The following DNAJC15 variants were observed in gnomAD, a reference collection of about 807,000 sequenced individuals.
DNAJC15 encodes dnaJ homolog subfamily C member 15.
Under a neutral mutation model 22.4 loss-of-function variants are expected in DNAJC15, and 27 were observed. The ratio of observed to expected loss-of-function variants is 1.20; its 90% CI spans 0.89 to 1.66. The LOEUF is 1.66. Among genes scored for constraint, DNAJC15 ranks in the 40% most tolerant of loss-of-function variants. DNAJC15 has a pLI of 0.00. For missense variants in DNAJC15, 208 were observed against 187.1 expected (o/e 1.11, Z -0.65); for synonymous variants, 79 against 63.2 (o/e 1.25, Z -1.19).
intron 5 of DNAJC15, among the ~76,000 whole-genome samples, chr13:43,100,980 T>G (rs1230481483): frequency 1.3e-5 from 2 of 152,228 alleles, no homozygotes; most frequent in Non-Finnish European, 2.9e-5. Context: ...TCCAGGTTGA[T>G]TGGCCCGTTT....
chr13:43,035,781 C>T lies in DNAJC15; in HGVS notation c.108+12047C>T, dbSNP rs370820612. Among the ~76,000 whole-genome samples, 26 of 152,108 alleles carry T rather than the reference C, an allele frequency of 1.7e-4. No individual in the cohort carries two copies. In the South Asian group the frequency reaches 3.5e-3, roughly 21 times the overall value. ...TGTCTCCCAGGCTGGTGTACAGTGG[C>T]GTGATCATAGCTCACTGCAGTCTCA... On this transcript the variant is annotated intron_variant, in intron 1 of 5. Coordinates refer to ENST00000379221, the MANE Select transcript of DNAJC15 (RefSeq NM_013238.3).
At chr13:43,102,468 T>C (rs1186480488) in intron 5 of DNAJC15, among the ~76,000 whole-genome samples, 1 of 152,122 alleles carries the variant, frequency 6.6e-6, no homozygotes, top group East Asian at 1.9e-4. Flanking sequence ...TTTCTGAACT[T>C]ATTGACATGA....
chr13:43,106,470 T>G (rs1394885197), intron 5 of DNAJC15, among the ~76,000 whole-genome samples: 1 of 152,166 alleles, frequency 6.6e-6, no homozygotes. Flanking sequence ...TTAGAAAGAA[T>G]TCATTGCAAA....
chr13:43,089,461 A>G (rs2040704301), intron 5 of DNAJC15, among the ~76,000 whole-genome samples: 1 of 152,132 alleles, frequency 6.6e-6, no homozygotes, highest in South Asian at 2.1e-4. Context: ...GACTGGGAAA[A>G]CCTCTGTGAG....
chr13:43,052,378 A>G (rs2040509343), intron 1 of DNAJC15, among the ~76,000 whole-genome samples: 1 of 151,742 alleles, frequency 6.6e-6, no homozygotes, highest in East Asian at 1.9e-4. Flanking sequence ...TTTTTTGGCT[A>G]TTTGTGTATC....
chr13:43,053,445 A>T (rs540717613), intron 1 of DNAJC15, among the ~76,000 whole-genome samples: 4 of 151,956 alleles, frequency 2.6e-5, no homozygotes, highest in Non-Finnish European at 5.9e-5. Context: ...GTAAATGATG[A>T]TGCTCGTATT....
intron 1 of DNAJC15, among the ~76,000 whole-genome samples, chr13:43,050,243 A>T (rs966874795): frequency 1.3e-5 from 2 of 152,134 alleles, no homozygotes; most frequent in African/African-American, 4.8e-5. Context: ...TGTAAATCTA[A>T]CAGCCTTACT....
intron 5 of DNAJC15, among the ~76,000 whole-genome samples, chr13:43,090,659 C>A (rs1295239262): frequency 6.6e-6 from 1 of 151,198 alleles, no homozygotes; most frequent in Non-Finnish European, 1.5e-5. Flanking sequence ...AGAAATTGGG[C>A]AGCATTCTTT....
At chr13:43,040,439 A>G (rs1281485410) in intron 1 of DNAJC15, among the ~76,000 whole-genome samples, 1 of 152,216 alleles carries the variant, frequency 6.6e-6, no homozygotes, top group African/African-American at 2.4e-5. Context: ...AAGTGACCCC[A>G]TAATGTTAAG....
chr13:43,060,645 G>C (rs142527436), intron 1 of DNAJC15, among the ~76,000 whole-genome samples: 2,671 of 152,236 alleles, frequency 0.018, 96 homozygotes, highest in East Asian at 0.12. Context: ...GATTTTGGAG[G>C]AAAGAGAAAT....
chr13:43,070,796 G>T (rs115309924), intron 3 of DNAJC15, among the ~76,000 whole-genome samples: 1 of 152,114 alleles, frequency 6.6e-6, no homozygotes, highest in African/African-American at 2.4e-5. Context: ...TACCTTAAGC[G>T]TGAAAGAAAG....
At chr13:43,106,784 G>A (rs1424644035) in intron 5 of DNAJC15, among the ~76,000 whole-genome samples, 3 of 145,920 alleles carry the variant, frequency 2.1e-5, no homozygotes, top group Non-Finnish European at 4.6e-5. Flanking sequence ...CGTTTTCACA[G>A]ATGAATGTGT....
intron 4 of DNAJC15, among the ~76,000 whole-genome samples, chr13:43,084,346 TTAAAA>T (rs1331323134): frequency 1.3e-5 from 2 of 152,240 alleles, no homozygotes; most frequent in Non-Finnish European, 2.9e-5. Context: ...TAATTTTTCT[TTAAAA>T]TAAACCTGGG....
At chr13:43,048,077 C>A (rs925938384) in intron 1 of DNAJC15, among the ~76,000 whole-genome samples, 2 of 152,090 alleles carry the variant, frequency 1.3e-5, no homozygotes, top group African/African-American at 4.8e-5. Context: ...ATGCATATGC[C>A]TGGAAGTTTT....
intron 1 of DNAJC15, among the ~76,000 whole-genome samples, chr13:43,027,268 G>T (rs1339443346): frequency 6.6e-6 from 1 of 152,052 alleles, no homozygotes; most frequent in East Asian, 1.9e-4. Flanking sequence ...AAGTTCCGGG[G>T]TACATGTGCT....
chr13:43,071,836 T>C lies in DNAJC15; in HGVS notation c.234+2833T>C, dbSNP rs141285004. Among the ~76,000 whole-genome samples the C allele has an allele frequency of 4.5e-4, 69 of 152,350 alleles. 1 individual carries two copies. Among genetic ancestry groups the C allele is most frequent in the African/African-American group, 1.4e-3 (59 of 41,594 alleles). On this transcript the variant is annotated intron_variant, in intron 3 of 5. Coordinates refer to ENST00000379221, the MANE Select transcript of DNAJC15 (RefSeq NM_013238.3). ...TTTAACATGTTGTTTTTCAATCTTA[T>C]CTCTTTTTCATACTTTTTTTTCATC...
chr13:43,066,052 A>G (rs961837496), intron 2 of DNAJC15, among the ~76,000 whole-genome samples: 4 of 152,146 alleles, frequency 2.6e-5, no homozygotes, highest in African/African-American at 7.2e-5. Context: ...TGTAAGTGGC[A>G]TGGAGTGCCT....
chr13:43,098,443 T>C (rs1313498728), intron 5 of DNAJC15, among the ~76,000 whole-genome samples: 1 of 152,198 alleles, frequency 6.6e-6, no homozygotes, highest in Non-Finnish European at 1.5e-5. Context: ...GGGTAAGAGG[T>C]AGAACCTCTT....
rs117072528 is a variant in DNAJC15 at position 43,036,666 on chromosome 13, C to G, written c.108+12932C>G. 3.0e-3 allele frequency among the ~76,000 whole-genome samples: 461 copies of G among 152,326 alleles called. 10 individuals carry two copies. In the East Asian group the frequency reaches 0.054, roughly 18 times the overall value. ...GAAACTTTCAACCTCTTGCTGCCAC[C>G]AACATGACCTCCACAGCACCCTGGC... On this transcript the variant is annotated intron_variant, in intron 1 of 5. Coordinates refer to ENST00000379221, the MANE Select transcript of DNAJC15 (RefSeq NM_013238.3).
Sources: allele counts gnomAD v4.1 joint callset (sites outside exome capture counted in the v4.1 genomes callset), GRCh38; gene constraint gnomAD v4.1.1; transcripts MANE v1.5; gene names NCBI Gene and HGNC (gene_info 2026-07-23, HGNC 2026-07-21).